Variants in KCNH7 observed in about 807,000 individuals in gnomAD.
The protein encoded by KCNH7 is voltage-gated inwardly rectifying potassium channel KCNH7.
Under a neutral mutation model 120.8 loss-of-function variants are expected in KCNH7, and 49 were observed. The observed-to-expected ratio is 0.41, with a 90% confidence interval of 0.32 to 0.51. The LOEUF is 0.51. Ranked by LOEUF, KCNH7 falls within the 20% of genes least tolerant of loss-of-function variation. The pLI is 0.38. For synonymous variants in KCNH7, 547 were observed against 516.1 expected, an observed-to-expected ratio of 1.06 and a Z score of -0.81; for missense variants, 1,097 against 1,446.6, an observed-to-expected ratio of 0.76 and a Z score of 3.92.
chr2:162,740,229 G>A (rs1464759718), intron 2 of KCNH7, among the ~76,000 whole-genome samples: 2 of 152,222 alleles, frequency 1.3e-5, no homozygotes, highest in African/African-American at 4.8e-5. Context: ...TGAAGAAAAA[G>A]TAGGAGTCAA....
At chr2:162,766,908 A>C (rs1032974195) in intron 2 of KCNH7, among the ~76,000 whole-genome samples, 10 of 138,536 alleles carry the variant, frequency 7.2e-5, no homozygotes, top group African/African-American at 2.4e-4. Flanking sequence ...CACACACATA[A>C]ACACACATCA....
rs1685768819 is a variant in KCNH7, at chr2:162,683,074, T to G, written c.308-145994A>C. 1.3e-5 allele frequency among the ~76,000 whole-genome samples: 2 copies of G among 151,984 alleles called. 1 individual carries two copies. Among genetic ancestry groups the G allele is most frequent in the South Asian group, 4.1e-4 (2 of 4,826 alleles). On this transcript the variant is annotated intron_variant, in intron 2 of 15. Coordinates refer to ENST00000332142, the MANE Select transcript of KCNH7 (RefSeq NM_033272.4). ...AAGTGCTGAAGCAAGAGTAAAAATT[T>G]CAAGCATTGTAGCAAAAAGTATAAT... is the stretch of plus-strand genomic sequence containing the variant.
chr2:162,408,868 T>A (rs1413638970), intron 9 of KCNH7, among the ~76,000 whole-genome samples: 1 of 151,798 alleles, frequency 6.6e-6, no homozygotes, highest in African/African-American at 2.4e-5. Context: ...AGAACAATAC[T>A]CGATGATAAT....
intron 9 of KCNH7, among the ~76,000 whole-genome samples, chr2:162,404,839 A>G (rs1687162549): frequency 6.6e-6 from 1 of 152,054 alleles, no homozygotes; most frequent in Non-Finnish European, 1.5e-5. Context: ...GCATGGGAGC[A>G]TAACAATGAA....
At chr2:162,707,141 G>A (rs918603678) in intron 2 of KCNH7, among the ~76,000 whole-genome samples, 4 of 151,954 alleles carry the variant, frequency 2.6e-5, no homozygotes, top group Admixed American at 1.3e-4. Context: ...AACACAAATT[G>A]GTGTAACTAT....
chr2:162,410,914 A>G (rs1418936864), intron 9 of KCNH7, among the ~76,000 whole-genome samples: 1 of 152,164 alleles, frequency 6.6e-6, no homozygotes. Context: ...ATCTCACACC[A>G]GTCAGAATGG....
At chr2:162,628,540 A>G (rs1016399506) in intron 2 of KCNH7, among the ~76,000 whole-genome samples, 1 of 152,106 alleles carries the variant, frequency 6.6e-6, no homozygotes, top group Non-Finnish European at 1.5e-5. Context: ...TTCATCACGC[A>G]GGTATTAAGC....
At chr2:162,641,316 A>G (rs1684148896) in intron 2 of KCNH7, among the ~76,000 whole-genome samples, 1 of 152,172 alleles carries the variant, frequency 6.6e-6, no homozygotes, top group East Asian at 1.9e-4. Flanking sequence ...GTGGAATACT[A>G]CTCAACAATA....
intron 2 of KCNH7, among the ~76,000 whole-genome samples, chr2:162,701,326 A>G (rs10166699): frequency 0.13 from 20,158 of 152,096 alleles, 1,521 homozygotes; most frequent in East Asian, 0.34. Context: ...TTACCTGAAG[A>G]ATTATCATAT....
intron 12 of KCNH7, among the ~76,000 whole-genome samples, chr2:162,393,653 CTAGAATGT>C (rs1433544743): frequency 6.6e-6 from 1 of 151,882 alleles, no homozygotes; most frequent in Non-Finnish European, 1.5e-5. Flanking sequence ...AAGGTAAAGA[CTAGAATGT>C]TTGTTGGATC....
At position 162,693,767 on chromosome 2, in the gene KCNH7, G is replaced by A. The variant is rs78417171; in HGVS notation, c.307+142770C>T. On this transcript the variant is annotated intron_variant, in intron 2 of 15. Transcript: ENST00000332142. Reference sequence around the variant, plus strand: ...ATTTCTTAATGACTGAAAAGAATGAGGATAATTTCCAAATCTCTGAAAAAT... The same window carrying A: ...ATTTCTTAATGACTGAAAAGAATGAAGATAATTTCCAAATCTCTGAAAAAT... Among the ~76,000 whole-genome samples, 386 of 152,118 alleles carry A rather than the reference G, an allele frequency of 2.5e-3. 2 individuals are homozygous for A. The highest frequency in any genetic ancestry group is 8.8e-3 in the African/African-American group (367 of 41,512).
chr2:162,818,043 CTG>C (rs1230256542), intron 2 of KCNH7, among the ~76,000 whole-genome samples: 5 of 151,834 alleles, frequency 3.3e-5, no homozygotes, highest in Admixed American at 2.0e-4. Context: ...TTAATGGAAA[CTG>C]TGTATATACA....
chr2:162,706,500 C>G (rs1384267403), intron 2 of KCNH7, among the ~76,000 whole-genome samples: 3 of 151,990 alleles, frequency 2.0e-5, no homozygotes, highest in African/African-American at 7.2e-5. Context: ...CATTAGGTAA[C>G]CCCACAAGGT....
At chr2:162,389,405 T>A (rs1052435663) in intron 12 of KCNH7, among the ~76,000 whole-genome samples, 2 of 151,998 alleles carry the variant, frequency 1.3e-5, no homozygotes, top group African/African-American at 4.8e-5. Flanking sequence ...TTTTTTCAAG[T>A]CCTATATAAT....
intron 2 of KCNH7, among the ~76,000 whole-genome samples, chr2:162,808,041 AG>A (rs1289748531): frequency 6.6e-6 from 1 of 152,160 alleles, no homozygotes; most frequent in Non-Finnish European, 1.5e-5. Flanking sequence ...TGCCTGGTAC[AG>A]GGATTGGAGC....
chr2:162,800,887 T>A (rs1169800222), intron 2 of KCNH7, among the ~76,000 whole-genome samples: 5 of 151,844 alleles, frequency 3.3e-5, no homozygotes, highest in African/African-American at 9.7e-5. Flanking sequence ...ATAGTTTTTT[T>A]ATTGGGTGTC....
intron 2 of KCNH7, among the ~76,000 whole-genome samples, chr2:162,576,635 C>G (rs1313809920): frequency 7.2e-6 from 1 of 139,314 alleles, no homozygotes; most frequent in Non-Finnish European, 1.5e-5. Context: ...AAAAATATTT[C>G]TAGTGTTTTG....
intron 2 of KCNH7, among the ~76,000 whole-genome samples, chr2:162,761,452 G>C (rs1261392264): frequency 6.6e-6 from 1 of 152,138 alleles, no homozygotes; most frequent in Non-Finnish European, 1.5e-5. Context: ...ACTAAAGAAA[G>C]AGGGTTTCTG....
At chr2:162,708,870 A>G (rs1238318982) in intron 2 of KCNH7, among the ~76,000 whole-genome samples, 1 of 152,086 alleles carries the variant, frequency 6.6e-6, no homozygotes, top group African/African-American at 2.4e-5. Flanking sequence ...TATGATGTAG[A>G]AAAATTGAAT....
Sources: allele counts gnomAD v4.1 joint callset (sites outside exome capture counted in the v4.1 genomes callset), GRCh38; gene constraint gnomAD v4.1.1; transcripts MANE v1.5; gene names NCBI Gene and HGNC (gene_info 2026-07-23, HGNC 2026-07-21).